The following NEGR1 variants were observed in gnomAD, a reference collection of about 807,000 sequenced individuals.
NEGR1 encodes the protein neuronal growth regulator 1, also known as IgLON family member 4.
NEGR1 carries 10 observed loss-of-function variants against 40.9 expected under a neutral mutation model. The observed-to-expected ratio is 0.24, with a 90% CI of 0.15 to 0.42. The LOEUF (loss-of-function observed/expected upper bound fraction) is 0.42. Among genes scored for constraint, NEGR1 ranks in the 10% least tolerant of loss-of-function variants. The pLI is 1.00. For missense variants in NEGR1, 352 were observed against 438.9 expected (o/e 0.80, Z 1.77); for synonymous variants, 185 against 166.8 (o/e 1.11, Z -0.84).
At chr1:72,164,306 TTTTA>T (rs981135791) in intron 1 of NEGR1, among the ~76,000 whole-genome samples, 1 of 151,840 alleles carries the variant, frequency 6.6e-6, no homozygotes, top group Non-Finnish European at 1.5e-5. Context: ...TTTTTTAAAT[TTTTA>T]TTTATTTATT....
chr1:72,072,738 G>A (rs919062765), intron 1 of NEGR1, among the ~76,000 whole-genome samples: 1 of 120,080 alleles, frequency 8.3e-6, no homozygotes, highest in Non-Finnish European at 1.9e-5. Flanking sequence ...TTGATTCTCA[G>A]CACTCCCTGT....
rs187078044 is a variant in NEGR1 at position 72,139,332 on chromosome 1, T to C, written c.176+142987A>G. Among the ~76,000 whole-genome samples, 3 of 148,876 alleles carry C rather than the reference T, an allele frequency of 2.0e-5. No homozygotes were observed. The East Asian group carries it at 5.9e-4, about 29-fold the overall frequency. On this transcript the variant is annotated intron_variant, in intron 1 of 6. Coordinates refer to ENST00000357731, the MANE Select transcript of NEGR1 (RefSeq NM_173808.3). Reference sequence around the variant, plus strand: ...TCAGCATAGAAATCAATAAAATAGATAATAGAAAAAACAACAAACAAAAGT... The same window carrying C: ...TCAGCATAGAAATCAATAAAATAGACAATAGAAAAAACAACAAACAAAAGT...
chr1:72,178,452 A>T (rs1652250927), intron 1 of NEGR1, among the ~76,000 whole-genome samples: 1 of 151,600 alleles, frequency 6.6e-6, no homozygotes, highest in South Asian at 2.1e-4. Context: ...ATTCTGCTTG[A>T]CAGCTCACAT....
At chr1:71,903,366 A>T (rs1661192358) in intron 2 of NEGR1, among the ~76,000 whole-genome samples, 1 of 152,042 alleles carries the variant, frequency 6.6e-6, no homozygotes, top group African/African-American at 2.4e-5. Context: ...AGCAAAATTA[A>T]GGCAGAAATT....
intron 2 of NEGR1, among the ~76,000 whole-genome samples, chr1:71,788,984 T>C (rs372439757): frequency 3.3e-5 from 5 of 152,112 alleles, no homozygotes; most frequent in East Asian, 1.9e-4. Flanking sequence ...GAGAAACATA[T>C]ACATAAAATA....
At chr1:71,690,080 T>G (rs1229653050) in intron 4 of NEGR1, among the ~76,000 whole-genome samples, 2 of 152,032 alleles carry the variant, frequency 1.3e-5, no homozygotes, top group Admixed American at 1.3e-4. Flanking sequence ...TTTATACTAT[T>G]TCTACCATAC....
At chr1:71,632,317 A>G (rs1310746131) in intron 4 of NEGR1, among the ~76,000 whole-genome samples, 1 of 151,340 alleles carries the variant, frequency 6.6e-6, no homozygotes, top group South Asian at 2.1e-4. Context: ...AAATTTTATT[A>G]AAAACAATTA....
intron 1 of NEGR1, among the ~76,000 whole-genome samples, chr1:71,941,524 C>G (rs1645959267): frequency 6.6e-6 from 1 of 151,902 alleles, no homozygotes; most frequent in Non-Finnish European, 1.5e-5. Context: ...AGAAATGGTT[C>G]TTATTATCTT....
At chr1:71,816,354 C>T (rs1658211229) in intron 2 of NEGR1, among the ~76,000 whole-genome samples, 1 of 151,988 alleles carries the variant, frequency 6.6e-6, no homozygotes, top group Admixed American at 6.6e-5. Context: ...TTTCATACTG[C>T]TATGAAGAAA....
chr1:71,691,696 A>G (rs1167447137), intron 4 of NEGR1, among the ~76,000 whole-genome samples: 2 of 151,686 alleles, frequency 1.3e-5, no homozygotes, highest in African/African-American at 2.4e-5. Flanking sequence ...ATGGAAATTC[A>G]CTAACTCTCA....
chr1:71,935,268 G>T lies in NEGR1; in HGVS notation c.220C>A (p.Arg74=). ...DGASKGAWLN[R]SSIIFAGGDK... is the part of the protein sequence containing the mutation. ...CCTCCCGCAAAAATAATACTTGACC[G>T]GTTCAGCCAGGCACCCTTTGAAGCT... The change falls in exon 2 of 7, where the codon CGG becomes AGG. Residue 74 remains arginine (R), a synonymous_variant. Transcript: ENST00000357731. 2 of 1,613,804 alleles carry T rather than the reference G, an allele frequency of 1.2e-6. No homozygotes were observed. Among genetic ancestry groups the T allele is most frequent in the Non-Finnish European group, 1.7e-6 (2 of 1,179,848 alleles).
At chr1:71,844,480 T>C (rs1417306870) in intron 2 of NEGR1, among the ~76,000 whole-genome samples, 1 of 152,180 alleles carries the variant, frequency 6.6e-6, no homozygotes, top group Non-Finnish European at 1.5e-5. Flanking sequence ...CCATTCTTAA[T>C]GACCTAAATC....
intron 1 of NEGR1, among the ~76,000 whole-genome samples, chr1:72,068,157 C>A (rs1193126210): frequency 1.3e-5 from 2 of 152,066 alleles, no homozygotes; most frequent in African/African-American, 4.8e-5. Context: ...ATTATGGACC[C>A]CCAGGTTGAA....
At chr1:71,954,574 A>C (rs1333620411) in intron 1 of NEGR1, among the ~76,000 whole-genome samples, 2 of 152,002 alleles carry the variant, frequency 1.3e-5, no homozygotes, top group Non-Finnish European at 2.9e-5. Flanking sequence ...TATATTTCCC[A>C]AGATAGGAGA....
chr1:71,726,580 C>T (rs1029009416), intron 3 of NEGR1, among the ~76,000 whole-genome samples: 9 of 152,040 alleles, frequency 5.9e-5, no homozygotes, highest in African/African-American at 1.4e-4. Context: ...GTTCTCTCTA[C>T]GTGATTGTAA....
At chr1:71,487,068 T>C (rs537609912) in intron 6 of NEGR1, 2 of 151,660 alleles carry the variant, frequency 1.3e-5, no homozygotes, top group East Asian at 3.9e-4. Context: ...ACACAATACA[T>C]AGAAGATTTT....
chr1:71,424,340 G>A lies in NEGR1; in HGVS notation c.941-16770C>T, dbSNP rs577722620. ...TTATTATTCATTTGTTCATACATTT[G>A]TGGATTCATTTAATAAATGGATTTA... On this transcript the variant is annotated intron_variant, in intron 6 of 6. Transcript: ENST00000357731. Among the ~76,000 whole-genome samples the A allele has an allele frequency of 5.9e-5, 9 of 152,232 alleles. No individual in the cohort carries two copies. The East Asian group carries it at 1.7e-3, about 29-fold the overall frequency.
chr1:71,677,293 A>G (rs1652676658), intron 4 of NEGR1, among the ~76,000 whole-genome samples: 1 of 152,170 alleles, frequency 6.6e-6, no homozygotes, highest in East Asian at 1.9e-4. Flanking sequence ...ATCGTAATTT[A>G]CTACCACCCA....
At chr1:71,836,132 A>C (rs1659018609) in intron 2 of NEGR1, among the ~76,000 whole-genome samples, 1 of 152,028 alleles carries the variant, frequency 6.6e-6, no homozygotes, top group Non-Finnish European at 1.5e-5. Context: ...TTTGGAGTTA[A>C]ACCCAAATAG....
Sources: allele counts gnomAD v4.1 joint callset (sites outside exome capture counted in the v4.1 genomes callset), GRCh38; gene constraint gnomAD v4.1.1; transcripts MANE v1.5; gene names NCBI Gene and HGNC (gene_info 2026-07-23, HGNC 2026-07-21).